Variants in RAD51B observed in about 807,000 individuals in gnomAD.
RAD51B encodes RAD51 paralog B.
Under a neutral mutation model 42.2 loss-of-function variants are expected in RAD51B, and 38 were observed. That is an observed-to-expected ratio of 0.90 (90% CI 0.70 to 1.18). The LOEUF (loss-of-function observed/expected upper bound fraction) is 1.18, where lower values mean the gene tolerates loss of function less well. RAD51B is among the 50% of genes most tolerant of loss of function. The probability of loss-of-function intolerance (pLI) is 0.00; values close to 1 mark genes in which losing one functional copy is unlikely to be tolerated. For missense variants in RAD51B, 373 were observed against 400.7 expected (o/e 0.93, Z 0.59); for synonymous variants, 154 against 145.2 (o/e 1.06, Z -0.43).
intron 7 of RAD51B, among the ~76,000 whole-genome samples, chr14:68,021,959 T>C (rs1566584727): frequency 6.6e-6 from 1 of 152,204 alleles, no homozygotes; most frequent in East Asian, 1.9e-4. Flanking sequence ...GAAAGTTGGG[T>C]AGCTATGGCA....
chr14:68,506,021 C>A (rs1885291859), intron 10 of RAD51B, among the ~76,000 whole-genome samples: 2 of 152,228 alleles, frequency 1.3e-5, no homozygotes, highest in East Asian at 1.9e-4. Context: ...CACTTGGGGT[C>A]CATTTTTATC....
intron 7 of RAD51B, among the ~76,000 whole-genome samples, chr14:67,922,198 T>C (rs1485076778): frequency 6.6e-6 from 1 of 152,132 alleles, no homozygotes; most frequent in African/African-American, 2.4e-5. Context: ...TGCCTTCTCT[T>C]AGTTCTCTCT....
chr14:68,583,696 G>A (rs1044044761), intron 10 of RAD51B, among the ~76,000 whole-genome samples: 3 of 152,184 alleles, frequency 2.0e-5, no homozygotes, highest in Non-Finnish European at 4.4e-5. Flanking sequence ...AAGCTCCGCA[G>A]TGCCCTCAAG....
At chr14:68,323,739 G>C (rs963877011) in intron 8 of RAD51B, among the ~76,000 whole-genome samples, 3 of 152,216 alleles carry the variant, frequency 2.0e-5, no homozygotes, top group African/African-American at 7.2e-5. Context: ...AGGTTACAGT[G>C]AGCTGAGATC....
At chr14:68,350,732 G>T (rs1050624154) in intron 8 of RAD51B, among the ~76,000 whole-genome samples, 1 of 152,202 alleles carries the variant, frequency 6.6e-6, no homozygotes, top group South Asian at 2.1e-4. Flanking sequence ...GGTTGCCCCA[G>T]GATATCTAAC....
intron 7 of RAD51B, among the ~76,000 whole-genome samples, chr14:67,971,513 C>A (rs1186176563): frequency 6.6e-6 from 1 of 151,924 alleles, no homozygotes; most frequent in Non-Finnish European, 1.5e-5. Flanking sequence ...AACTGAATTG[C>A]AGCTTTGTAC....
chr14:68,589,412 G>C (rs942644452), intron 10 of RAD51B, among the ~76,000 whole-genome samples: 3 of 152,090 alleles, frequency 2.0e-5, no homozygotes, highest in Non-Finnish European at 2.9e-5. Context: ...GGCTCACCAG[G>C]CTACCTCAGT....
At chr14:68,439,170 ACACACACACACACACACT>A (rs1375278510) in intron 9 of RAD51B, among the ~76,000 whole-genome samples, 3 of 64,750 alleles carry the variant, frequency 4.6e-5, no homozygotes, top group African/African-American at 1.5e-4. Context: ...ACACACACAC[ACACACACACACACACACT>A]CTCTCACACA....
At chr14:68,035,348 A>G (rs538084687) in intron 7 of RAD51B, among the ~76,000 whole-genome samples, 2 of 152,002 alleles carry the variant, frequency 1.3e-5, no homozygotes, top group South Asian at 4.1e-4. Context: ...AGGAAAATTA[A>G]TTCCTATCTT....
intron 7 of RAD51B, among the ~76,000 whole-genome samples, chr14:67,956,788 T>C (rs2074556891): frequency 6.6e-6 from 1 of 152,316 alleles, no homozygotes; most frequent in Non-Finnish European, 1.5e-5. Flanking sequence ...AAAAATAAAA[T>C]TGAAAATTTA....
chr14:67,821,248 G>T (rs1475948890), intron 1 of RAD51B, among the ~76,000 whole-genome samples: 1 of 152,172 alleles, frequency 6.6e-6, no homozygotes, highest in East Asian at 1.9e-4. Context: ...AAAGGGGAGG[G>T]AATATGCTTA....
intron 7 of RAD51B, chr14:68,069,577 C>T (rs1042667989): frequency 1.3e-5 from 2 of 152,068 alleles, no homozygotes; most frequent in African/African-American, 2.4e-5. Flanking sequence ...AGGATTATGA[C>T]CACCAGCTCC....
At chr14:68,182,374 G>A (rs1443252041) in intron 7 of RAD51B, among the ~76,000 whole-genome samples, 1 of 152,230 alleles carries the variant, frequency 6.6e-6, no homozygotes, top group Non-Finnish European at 1.5e-5. Flanking sequence ...ATAGACAAAT[G>A]TGTTTGCACA....
intron 7 of RAD51B, among the ~76,000 whole-genome samples, chr14:68,193,929 T>G (rs1422746516): frequency 6.6e-6 from 1 of 152,206 alleles, no homozygotes; most frequent in African/African-American, 2.4e-5. Context: ...CAGTAGTCTC[T>G]CTGTGATCAC....
chr14:68,602,465 AGATG>A (rs1260071294), intron 10 of RAD51B, among the ~76,000 whole-genome samples: 1 of 151,424 alleles, frequency 6.6e-6, no homozygotes, highest in Non-Finnish European at 1.5e-5. Flanking sequence ...GGATGCGGAT[AGATG>A]GGTGGGTGGG....
intron 7 of RAD51B, among the ~76,000 whole-genome samples, chr14:68,227,311 C>G (rs1001142076): frequency 6.6e-6 from 1 of 152,294 alleles, no homozygotes; most frequent in South Asian, 2.1e-4. Context: ...TTCCAACTCC[C>G]ACAACTGCAC....
At chr14:68,431,764 C>T (rs868416830) in intron 9 of RAD51B, among the ~76,000 whole-genome samples, 8 of 151,976 alleles carry the variant, frequency 5.3e-5, no homozygotes, top group Non-Finnish European at 1.2e-4. Flanking sequence ...AGTTCTGCTC[C>T]GATCTTAGTT....
At chr14:67,876,652 C>T (rs1449905637) in intron 5 of RAD51B, among the ~76,000 whole-genome samples, 5 of 152,190 alleles carry the variant, frequency 3.3e-5, no homozygotes, top group Non-Finnish European at 5.9e-5. Flanking sequence ...AGGAGCACTT[C>T]TAACCATTTT....
chr14:67,827,186 A>G (rs2040863559), intron 3 of RAD51B, among the ~76,000 whole-genome samples: 1 of 152,224 alleles, frequency 6.6e-6, no homozygotes, highest in South Asian at 2.1e-4. Flanking sequence ...GACTAGATTC[A>G]AATTAACTTG....
Sources: gnomAD v4.1 joint callset for allele counts (sites outside exome capture counted in the v4.1 genomes callset) on GRCh38, gnomAD v4.1.1 for gene constraint, MANE v1.5 for transcripts, NCBI Gene and HGNC (gene_info 2026-07-23, HGNC 2026-07-21) for gene names.